CSMD1: variants seen among roughly 807,000 people sequenced by gnomAD.
The protein encoded by CSMD1 is CUB and sushi domain-containing protein 1.
In CSMD1, 213 loss-of-function variants were observed where a neutral mutation model predicts 417.5. The observed-to-expected ratio is 0.51, with a 90% CI of 0.46 to 0.57. CSMD1 has a LOEUF of 0.57. Among genes scored for constraint, CSMD1 ranks in the 20% least tolerant of loss-of-function variants. The probability of loss-of-function intolerance (pLI) is 0.00; values close to 1 mark genes in which losing one functional copy is unlikely to be tolerated. For missense variants in CSMD1, 6,923 were observed against 4,529.7 expected, an observed-to-expected ratio of 1.53 and a Z score of -15.17; for synonymous variants, 2,862 against 1,736.8, an observed-to-expected ratio of 1.65 and a Z score of -16.11.
chr8:4,486,835 G>A lies in CSMD1; in HGVS notation c.303-66770C>T, dbSNP rs560232918. 7.9e-5 allele frequency among the ~76,000 whole-genome samples: 12 copies of A among 152,222 alleles called. No individual in the cohort carries two copies. The East Asian group carries it at 2.3e-3, about 29-fold the overall frequency. On this transcript the variant is annotated intron_variant, in intron 2 of 69. Coordinates refer to ENST00000635120, the MANE Select transcript of CSMD1 (RefSeq NM_033225.6). ...AAGGTGCCTGCAAAAGTTCCACTTG[G>A]CTATTGTTATTAATTACACATCAAG...
intron 1 of CSMD1, among the ~76,000 whole-genome samples, chr8:4,741,381 T>C (rs1810595574): frequency 1.3e-5 from 2 of 152,234 alleles, no homozygotes; most frequent in African/African-American, 4.8e-5. Context: ...GAAAGGACAC[T>C]ATTATTCTTG....
At chr8:4,167,857 A>G (rs2131123219) in intron 3 of CSMD1, among the ~76,000 whole-genome samples, 1 of 152,160 alleles carries the variant, frequency 6.6e-6, no homozygotes, top group Non-Finnish European at 1.5e-5. Context: ...GCCAGACATG[A>G]TGGCTTAGGC....
rs1012801619 is a variant in CSMD1 at position 3,972,350 on chromosome 8, C to G, written c.818+25553G>C. Among the ~76,000 whole-genome samples the G allele has an allele frequency of 3.9e-5, 6 of 152,204 alleles. No homozygotes were observed. In the South Asian group the frequency reaches 8.3e-4, roughly 21 times the overall value. Reference sequence around the variant, plus strand: ...AGATTGTCACTTTTTCTCAAAATATCATTTAATTTTTGCTAAAGCTCTTTT... The same window carrying G: ...AGATTGTCACTTTTTCTCAAAATATGATTTAATTTTTGCTAAAGCTCTTTT... On this transcript the variant is annotated intron_variant, in intron 5 of 69. Coordinates refer to ENST00000635120, the MANE Select transcript of CSMD1 (RefSeq NM_033225.6).
chr8:3,128,919 G>T (rs761166740), intron 41 of CSMD1: 7 of 446,272 alleles, frequency 1.6e-5, no homozygotes, highest in South Asian at 8.1e-5. Context: ...AGAGACAAAG[G>T]GAAAGCAGAT....
intron 49 of CSMD1, among the ~76,000 whole-genome samples, chr8:3,063,927 T>C (rs1812754473): frequency 6.6e-6 from 1 of 152,196 alleles, no homozygotes; most frequent in Non-Finnish European, 1.5e-5. Context: ...CTTGTTAATG[T>C]ACTTAACACC....
chr8:4,117,115 C>T (rs895452920), intron 3 of CSMD1, among the ~76,000 whole-genome samples: 2 of 151,368 alleles, frequency 1.3e-5, no homozygotes. Flanking sequence ...TTTGTTTTTT[C>T]TTGCTGCCAC....
At chr8:3,596,935 C>T (rs1433706754) in intron 8 of CSMD1, among the ~76,000 whole-genome samples, 2 of 152,154 alleles carry the variant, frequency 1.3e-5, no homozygotes, top group African/African-American at 2.4e-5. Flanking sequence ...TTCCAAGTGC[C>T]CCTCTTAGCA....
At chr8:3,371,204 A>C (rs1166502159) in intron 18 of CSMD1, among the ~76,000 whole-genome samples, 1 of 152,134 alleles carries the variant, frequency 6.6e-6, no homozygotes, top group Non-Finnish European at 1.5e-5. Context: ...TGGCCTCCCA[A>C]ACACATGAGC....
intron 26 of CSMD1, among the ~76,000 whole-genome samples, chr8:3,249,160 T>C (rs1405968118): frequency 6.6e-6 from 1 of 152,198 alleles, no homozygotes; most frequent in African/African-American, 2.4e-5. Flanking sequence ...TATTATAAGC[T>C]GTATCATGAT....
At chr8:4,348,919 A>G (rs1800930312) in intron 3 of CSMD1, among the ~76,000 whole-genome samples, 1 of 152,180 alleles carries the variant, frequency 6.6e-6, no homozygotes, top group Non-Finnish European at 1.5e-5. Context: ...GTGATATCAC[A>G]GCTATTGTTC....
At chr8:3,124,148 A>G (rs981997696) in intron 41 of CSMD1, among the ~76,000 whole-genome samples, 4 of 151,426 alleles carry the variant, frequency 2.6e-5, no homozygotes, top group Admixed American at 1.3e-4. Flanking sequence ...GCGTGTGGGG[A>G]GGGGGGAGCA....
chr8:3,301,143 T>G (rs1256547542), intron 25 of CSMD1, among the ~76,000 whole-genome samples: 1 of 152,170 alleles, frequency 6.6e-6, no homozygotes, highest in African/African-American at 2.4e-5. Context: ...TTTTTAATTT[T>G]TTCAAAATCT....
intron 52 of CSMD1, 56 bp from the exon 53 acceptor site, chr8:3,000,187 T>C: frequency 1.5e-6 from 2 of 1,318,450 alleles, no homozygotes; most frequent in Non-Finnish European, 2.1e-6. Flanking sequence ...ATAAAAGTAG[T>C]ACATTCACAA....
At chr8:4,118,297 C>G (rs974581869) in intron 3 of CSMD1, among the ~76,000 whole-genome samples, 1 of 151,934 alleles carries the variant, frequency 6.6e-6, no homozygotes, top group Non-Finnish European at 1.5e-5. Flanking sequence ...GAAGTTCGAC[C>G]TGTATGGATG....
intron 5 of CSMD1, among the ~76,000 whole-genome samples, chr8:3,951,143 T>C (rs1470108938): frequency 1.3e-5 from 2 of 152,326 alleles, no homozygotes; most frequent in Admixed American, 6.5e-5. Flanking sequence ...TCAAAGTTGT[T>C]TGTTTTACAA....
intron 26 of CSMD1, among the ~76,000 whole-genome samples, chr8:3,264,405 G>A (rs969347449): frequency 2.6e-5 from 4 of 151,974 alleles, no homozygotes; most frequent in Non-Finnish European, 4.4e-5. Flanking sequence ...AATTCCACTC[G>A]CTATGTGCCT....
chr8:3,822,802 A>C (rs893011641), intron 5 of CSMD1, among the ~76,000 whole-genome samples: 1 of 152,192 alleles, frequency 6.6e-6, no homozygotes, highest in African/African-American at 2.4e-5. Flanking sequence ...TTTGTGGAAC[A>C]GAACTTTGGG....
chr8:4,840,833 G>C (rs148856851), intron 1 of CSMD1, among the ~76,000 whole-genome samples: 1 of 152,314 alleles, frequency 6.6e-6, no homozygotes, highest in Admixed American at 6.5e-5. Context: ...AGAATCATGA[G>C]TAATCATTAC....
intron 26 of CSMD1, among the ~76,000 whole-genome samples, chr8:3,260,537 A>G (rs961769406): frequency 6.6e-5 from 10 of 152,122 alleles, no homozygotes; most frequent in Non-Finnish European, 4.4e-5. Flanking sequence ...ATTTCTGAAA[A>G]TGTCAGAGTG....
Sources: allele counts gnomAD v4.1 joint callset (sites outside exome capture counted in the v4.1 genomes callset), GRCh38; gene constraint gnomAD v4.1.1; transcripts MANE v1.5; gene names NCBI Gene and HGNC (gene_info 2026-07-23, HGNC 2026-07-21).